Variants in GJB6 observed in about 807,000 individuals in gnomAD.
GJB6 encodes the protein gap junction beta-6 protein.
In GJB6, 5 loss-of-function variants were observed where a neutral mutation model predicts 5.4. The observed-to-expected ratio is 0.92, with a 90% CI of 0.48 to 1.93. GJB6 has a LOEUF of 1.93. Among genes scored for constraint, GJB6 ranks in the 30% most tolerant of loss-of-function variants. The pLI is 0.01. For missense variants in GJB6, 298 were observed against 326.9 expected, an observed-to-expected ratio of 0.91 and a Z score of 0.68; for synonymous variants, 136 against 129.6, an observed-to-expected ratio of 1.05 and a Z score of -0.34.
At position 20,228,774 on chromosome 13, in the gene GJB6, G is replaced by A. The variant is rs541851834; in HGVS notation, c.-16+806C>T. Among the ~76,000 whole-genome samples the A allele has an allele frequency of 2.8e-3, 425 of 152,020 alleles. 2 individuals are homozygous for A. The highest frequency in any genetic ancestry group is 8.7e-3 in the African/African-American group (361 of 41,470). ...GCTGGGATTACAAGCATGAGCCACC[G>A]CGCCCGGCCCATGCTATATTCTTGA... is the stretch of plus-strand genomic sequence containing the variant. On this transcript the variant is annotated intron_variant, in intron 4 of 4. Transcript: ENST00000647029.
At chr13:20,229,313 T>C (rs920680954) in intron 4 of GJB6, among the ~76,000 whole-genome samples, 1 of 124,152 alleles carries the variant, frequency 8.1e-6, no homozygotes, top group Non-Finnish European at 1.6e-5. Flanking sequence ...CATACCTGGT[T>C]AATTTTTTTT....
Position 20,222,628 on chromosome 13 carries a change from G to A in GJB6, c.*67C>T, listed in dbSNP as rs995777965. On this transcript the variant is annotated 3_prime_UTR_variant, in exon 5 of 5. Transcript: ENST00000647029. Reference sequence around the variant, plus strand: ...TTCAGGCTACAGAAGGAACTTTCAGGTTGGTATTGCCTTCTGGAGAAGACA... The same window carrying A: ...TTCAGGCTACAGAAGGAACTTTCAGATTGGTATTGCCTTCTGGAGAAGACA... 2.2e-6 allele frequency: 3 copies of A among 1,334,382 alleles called. No homozygotes were observed. The highest frequency in any genetic ancestry group is 3.2e-6 in the Non-Finnish European group (3 of 925,480). The allele number at this position is 1,334,382 out of a possible 1,614,324, so 82.7% of individuals were successfully genotyped here. A position where few individuals can be genotyped will look rare whatever the true frequency, so the allele number is the denominator to read the frequency against.
chr13:20,229,138 AAAAAAAAAAAAAT>A (rs1405576581), intron 4 of GJB6, among the ~76,000 whole-genome samples: 2 of 143,992 alleles, frequency 1.4e-5, no homozygotes, highest in African/African-American at 5.2e-5. Flanking sequence ...AAAAAAAAAA[AAAAAAAAAAAAAT>A]TTTTTTTTTT....
At chr13:20,227,254 C>G (rs561297754) in intron 4 of GJB6, among the ~76,000 whole-genome samples, 1 of 152,224 alleles carries the variant, frequency 6.6e-6, no homozygotes, top group East Asian at 1.9e-4. Flanking sequence ...CAAAACTGAA[C>G]AGAATATAAT....
chr13:20,227,526 G>A (rs910034547), intron 4 of GJB6, among the ~76,000 whole-genome samples: 6 of 152,160 alleles, frequency 3.9e-5, no homozygotes, highest in Admixed American at 6.5e-5. Context: ...GAACCTGCCC[G>A]GTCCTGAGTG....
chr13:20,226,561 T>C (rs1227548207), intron 4 of GJB6, among the ~76,000 whole-genome samples: 1 of 152,228 alleles, frequency 6.6e-6, no homozygotes, highest in Non-Finnish European at 1.5e-5. Context: ...ATATGATTTG[T>C]AAAATTAATT....
chr13:20,224,924 C>G (rs993700139), intron 4 of GJB6, among the ~76,000 whole-genome samples: 1 of 152,154 alleles, frequency 6.6e-6, no homozygotes, highest in African/African-American at 2.4e-5. Flanking sequence ...CTGGACCTCA[C>G]GCTCTGGCCC....
Position 20,223,289 on chromosome 13 carries a change from G to A in GJB6, c.192C>T (p.Cys64=). 6.2e-7 allele frequency: 1 copy of A among 1,613,942 alleles called. No individual in the cohort carries two copies. The highest frequency in any genetic ancestry group is 8.5e-7 in the Non-Finnish European group (1 of 1,179,822). ...NTLQPGCKNV[C]YDHFFPVSHI... ...GGGACACCGGGAAAAAGTGGTCATA[G>A]CACACATTTTTGCATCCCGGTTGCA... is the stretch of plus-strand genomic sequence containing the variant. The change falls in exon 5 of 5, where the codon TGC becomes TGT. Residue 64 remains cysteine, a synonymous_variant. Transcript: ENST00000647029.
intron 4 of GJB6, among the ~76,000 whole-genome samples, chr13:20,227,100 G>T (rs1259512334): frequency 1.3e-5 from 2 of 152,062 alleles, no homozygotes; most frequent in Admixed American, 6.5e-5. Flanking sequence ...TAGAAGCAGG[G>T]TCCCTGACCT....
At position 20,232,182 on chromosome 13, in the gene GJB6, G is replaced by A. The variant is rs1486546163; in HGVS notation, c.-420+12C>T. On this transcript the variant is annotated intron_variant, in intron 1 of 4. Coordinates refer to ENST00000647029, the MANE Select transcript of GJB6 (RefSeq NM_001110219.3). ...GCCCCCCGCAAGACCCAGCCGGTCCGCGCCCGCTTACCTGCTCTGCGGCCG... is the reference window on the plus strand; with the variant it reads ...GCCCCCCGCAAGACCCAGCCGGTCCACGCCCGCTTACCTGCTCTGCGGCCG... 6.6e-6 allele frequency: 1 copy of A among 152,060 alleles called. No individual in the cohort carries two copies. Among genetic ancestry groups the A allele is most frequent in the Non-Finnish European group, 1.5e-5 (1 of 67,978 alleles). 9.4% of individuals were successfully genotyped at this position (152,060 alleles called of 1,614,324 possible).
chr13:20,222,970 T>A lies in GJB6; in HGVS notation c.511A>T (p.Ile171Phe), dbSNP rs1351762928. 2.5e-6 allele frequency: 4 copies of A among 1,614,078 alleles called. No homozygotes were observed. The highest frequency in any genetic ancestry group is 3.3e-5 in the Admixed American group (2 of 60,026). Residue 171 changes from isoleucine (I) to phenylalanine (F), a missense_variant, in exon 5 of 5, where the codon ATT becomes TTT. Coordinates refer to ENST00000647029, the MANE Select transcript of GJB6 (RefSeq NM_001110219.3). Reference protein sequence around the residue: ...YHLPWVLKCGIDPCPNLVDCF... With the variant: ...YHLPWVLKCGFDPCPNLVDCF... ...TCAACAAGGTTGGGGCAGGGGTCAA[T>A]CCCACATTTCAACACCCAGGGCAGG... is the stretch of plus-strand genomic sequence containing the variant.
chr13:20,224,399 A>G (rs1016324649), intron 4 of GJB6, among the ~76,000 whole-genome samples: 2 of 152,234 alleles, frequency 1.3e-5, no homozygotes, highest in Non-Finnish European at 2.9e-5. Flanking sequence ...CTACTGAGAA[A>G]GCCTCTTCTA....
intron 4 of GJB6, among the ~76,000 whole-genome samples, chr13:20,224,496 C>T (rs1869442923): frequency 6.6e-6 from 1 of 152,144 alleles, no homozygotes; most frequent in Non-Finnish European, 1.5e-5. Context: ...GCTTTGCCTC[C>T]CCAGCGGGTC....
intron 4 of GJB6, among the ~76,000 whole-genome samples, chr13:20,228,688 G>A (rs1001566125): frequency 3.3e-4 from 12 of 35,950 alleles, no homozygotes; most frequent in East Asian, 0.026. Flanking sequence ...GTTTCACCGT[G>A]TTAGCCAGGA....
rs771466506 is a variant in GJB6, at chr13:20,222,669, C to T, written c.*26G>A. 11 of 1,604,424 alleles carry T rather than the reference C, an allele frequency of 6.9e-6. No homozygotes were observed. The highest frequency in any genetic ancestry group is 1.7e-4 in the Middle Eastern group (1 of 6,044). ...GGAGAAGACAGAAGTCTCCTTATGACGCAGCTACATTTTACCTTGAAATGT... is the reference window on the plus strand; with the variant it reads ...GGAGAAGACAGAAGTCTCCTTATGATGCAGCTACATTTTACCTTGAAATGT... On this transcript the variant is annotated 3_prime_UTR_variant, in exon 5 of 5. Coordinates refer to ENST00000647029, the MANE Select transcript of GJB6 (RefSeq NM_001110219.3).
At chr13:20,228,707 A>G (rs1465906687) in intron 4 of GJB6, among the ~76,000 whole-genome samples, 7 of 150,442 alleles carry the variant, frequency 4.7e-5, no homozygotes, top group Admixed American at 1.3e-4. Flanking sequence ...GATGGTCTCG[A>G]TCTCCTGACC....
At chr13:20,231,844 C>G (rs1180654603) in intron 1 of GJB6, among the ~76,000 whole-genome samples, 4 of 152,256 alleles carry the variant, frequency 2.6e-5, no homozygotes, top group African/African-American at 4.8e-5. Flanking sequence ...TCAAAGGGGA[C>G]CACGCTGGGG....
chr13:20,223,578 A>G, intron 4 of GJB6, 83 bp from the exon 5 acceptor site: 2 of 1,061,948 alleles, frequency 1.9e-6, no homozygotes, highest in Non-Finnish European at 2.9e-6. Context: ...ACTGAAGCCA[A>G]CTTTATTTTA....
In GJB6 at chr13:20,223,229, G is replaced by A; in HGVS notation, c.252C>T (p.Val84=). The change falls in exon 5 of 5, where the codon GTC becomes GTT. Residue 84 remains valine, a synonymous_variant. Coordinates refer to ENST00000647029, the MANE Select transcript of GJB6 (RefSeq NM_001110219.3). ...IRLWALQLIF[V]STPALLVAMH... is the part of the protein sequence containing the mutation. ...TGGCCACCAGCAGCGCTGGGGTGGA[G>A]ACGAAGATCAGCTGGAGGGCCCACA... The A allele has an allele frequency of 1.2e-6, 2 of 1,610,324 alleles. No homozygotes were observed. The highest frequency in any genetic ancestry group is 8.5e-7 in the Non-Finnish European group (1 of 1,176,962).
Sources: gnomAD v4.1 joint callset for allele counts (sites outside exome capture counted in the v4.1 genomes callset) on GRCh38, gnomAD v4.1.1 for gene constraint, MANE v1.5 for transcripts, NCBI Gene and HGNC (gene_info 2026-07-23, HGNC 2026-07-21) for gene names.